Variants in NRXN3 observed in about 807,000 individuals in gnomAD.
NRXN3 encodes the protein neurexin 3.
In NRXN3, 32 loss-of-function variants were observed where a neutral mutation model predicts 137.6. The observed-to-expected ratio is 0.23, with a 90% CI of 0.18 to 0.31. The LOEUF (loss-of-function observed/expected upper bound fraction) is 0.31, where lower values mean the gene tolerates loss of function less well. NRXN3 is among the 10% of genes least tolerant of loss of function. NRXN3 has a pLI of 1.00. For synonymous variants in NRXN3, 798 were observed against 784.5 expected, an observed-to-expected ratio of 1.02 and a Z score of -0.29; for missense variants, 1,574 against 2,062.5, an observed-to-expected ratio of 0.76 and a Z score of 4.59.
intron 4 of NRXN3, among the ~76,000 whole-genome samples, chr14:78,351,457 G>A (rs1475614118): frequency 6.6e-6 from 1 of 152,106 alleles, no homozygotes; most frequent in East Asian, 1.9e-4. Context: ...AATAGTAGAC[G>A]TTCTCTTTCT....
intron 18 of NRXN3, 51 bp downstream of exon 18, chr14:79,692,313 A>G (rs1352782995): frequency 7.5e-7 from 1 of 1,326,108 alleles, no homozygotes; most frequent in Non-Finnish European, 1.1e-6. Context: ...CTAAACCCTC[A>G]TTTTTAAAGC....
chr14:78,202,356 C>A (rs555940715), intron 1 of NRXN3, among the ~76,000 whole-genome samples: 4 of 152,190 alleles, frequency 2.6e-5, no homozygotes, highest in Non-Finnish European at 5.9e-5. Flanking sequence ...GATTTCCTGT[C>A]GGTTAAAGAT....
chr14:79,806,266 A>T (rs2140656422), intron 20 of NRXN3, among the ~76,000 whole-genome samples: 1 of 152,298 alleles, frequency 6.6e-6, no homozygotes, highest in South Asian at 2.1e-4. Context: ...TTTAAGCTTC[A>T]TGAAAAAATA....
intron 10 of NRXN3, among the ~76,000 whole-genome samples, chr14:78,932,660 G>C (rs2099325568): frequency 6.6e-6 from 1 of 152,188 alleles, no homozygotes; most frequent in Admixed American, 6.5e-5. Flanking sequence ...AGAGCTATGG[G>C]ATTTGGACTT....
At chr14:79,751,820 T>C (rs1299026244) in intron 19 of NRXN3, among the ~76,000 whole-genome samples, 15 of 152,036 alleles carry the variant, frequency 9.9e-5, no homozygotes, top group Non-Finnish European at 1.8e-4. Context: ...TCTGCATCTA[T>C]TGAGATAATC....
At chr14:79,801,991 G>A (rs1291428315) in intron 19 of NRXN3, among the ~76,000 whole-genome samples, 3 of 150,484 alleles carry the variant, frequency 2.0e-5, no homozygotes, top group Admixed American at 1.3e-4. Flanking sequence ...GGAAGCCAAG[G>A]AAGCTGAGAG....
At chr14:79,060,309 CT>C (rs2099672578) in intron 15 of NRXN3, among the ~76,000 whole-genome samples, 1 of 152,204 alleles carries the variant, frequency 6.6e-6, no homozygotes, top group Non-Finnish European at 1.5e-5. Context: ...TGCATTTAAG[CT>C]TCTTTTCCTA....
chr14:79,083,411 T>C (rs1193283441), intron 15 of NRXN3, among the ~76,000 whole-genome samples: 2 of 152,130 alleles, frequency 1.3e-5, no homozygotes, highest in Non-Finnish European at 2.9e-5. Context: ...GGATTGAAAA[T>C]AGAGCCCTAG....
intron 4 of NRXN3, among the ~76,000 whole-genome samples, chr14:78,322,509 A>G (rs990795463): frequency 5.3e-5 from 8 of 151,998 alleles, no homozygotes; most frequent in African/African-American, 1.5e-4. Flanking sequence ...TTGCCGTGAT[A>G]TACCACCTTC....
At chr14:78,747,711 C>T (rs2098617494) in intron 8 of NRXN3, among the ~76,000 whole-genome samples, 1 of 152,140 alleles carries the variant, frequency 6.6e-6, no homozygotes, top group South Asian at 2.1e-4. Context: ...TGATAACTGT[C>T]ATTTTAGCTG....
intron 10 of NRXN3, among the ~76,000 whole-genome samples, chr14:78,854,394 G>A (rs1028262189): frequency 6.6e-6 from 1 of 151,302 alleles, no homozygotes; most frequent in Non-Finnish European, 1.5e-5. Context: ...TTTTTTAATT[G>A]CACAAAATTC....
At chr14:78,305,822 C>T (rs924542369) in intron 4 of NRXN3, among the ~76,000 whole-genome samples, 4 of 152,154 alleles carry the variant, frequency 2.6e-5, no homozygotes, top group Non-Finnish European at 5.9e-5. Flanking sequence ...GTCCTCTTGA[C>T]AGTGAATATA....
At chr14:78,480,650 G>C (rs2095457457) in intron 4 of NRXN3, among the ~76,000 whole-genome samples, 1 of 152,124 alleles carries the variant, frequency 6.6e-6, no homozygotes, top group Non-Finnish European at 1.5e-5. Flanking sequence ...AGGTATAAGT[G>C]TAGGCTAAAA....
intron 15 of NRXN3, among the ~76,000 whole-genome samples, chr14:79,199,072 C>G (rs1313391957): frequency 6.6e-6 from 1 of 151,992 alleles, no homozygotes; most frequent in African/African-American, 2.4e-5. Flanking sequence ...GAGACTGAGG[C>G]AGGAGAATCG....
intron 19 of NRXN3, among the ~76,000 whole-genome samples, chr14:79,739,337 G>T (rs571143670): frequency 4.6e-5 from 7 of 152,226 alleles, no homozygotes; most frequent in African/African-American, 1.7e-4. Context: ...AATACAATTT[G>T]GGAGACCACT....
intron 1 of NRXN3, among the ~76,000 whole-genome samples, chr14:78,202,181 G>A (rs2061743778): frequency 6.6e-6 from 1 of 152,178 alleles, no homozygotes; most frequent in East Asian, 1.9e-4. Flanking sequence ...TGAAGTAGGA[G>A]GGGGAAACGA....
intron 16 of NRXN3, among the ~76,000 whole-genome samples, chr14:79,491,759 T>C (rs751624273): frequency 6.6e-6 from 1 of 152,202 alleles, no homozygotes; most frequent in Non-Finnish European, 1.5e-5. Context: ...CTACAGAATA[T>C]GTAATTTGGT....
chr14:78,650,224 G>A (rs1225636278), intron 5 of NRXN3, among the ~76,000 whole-genome samples: 1 of 151,638 alleles, frequency 6.6e-6, no homozygotes, highest in Admixed American at 6.6e-5. Context: ...AGTGGATTTT[G>A]ATTCTTTCCC....
At chr14:79,564,819 A>G (rs2097532411) in intron 16 of NRXN3, among the ~76,000 whole-genome samples, 1 of 152,172 alleles carries the variant, frequency 6.6e-6, no homozygotes, top group Non-Finnish European at 1.5e-5. Flanking sequence ...TTTGGTAAGG[A>G]CTATTGAGAA....
Sources: allele counts gnomAD v4.1 joint callset (sites outside exome capture counted in the v4.1 genomes callset), GRCh38; gene constraint gnomAD v4.1.1; transcripts MANE v1.5; gene names NCBI Gene and HGNC (gene_info 2026-07-23, HGNC 2026-07-21).